PEX3: variants seen among roughly 807,000 people sequenced by gnomAD.
PEX3 encodes the protein peroxin-3.
Under a neutral mutation model 55.8 loss-of-function variants are expected in PEX3, and 30 were observed. The observed-to-expected ratio is 0.54, with a 90% CI of 0.40 to 0.73. The LOEUF (loss-of-function observed/expected upper bound fraction) is 0.73, where lower values mean the gene tolerates loss of function less well. Among genes scored for constraint, PEX3 ranks in the 30% least tolerant of loss-of-function variants. The pLI is 0.00. For missense variants in PEX3, 351 were observed against 432.8 expected, an observed-to-expected ratio of 0.81 and a Z score of 1.68; for synonymous variants, 135 against 148.4, an observed-to-expected ratio of 0.91 and a Z score of 0.66.
chr6:143,461,503 A>G (rs1294329807), intron 2 of PEX3, among the ~76,000 whole-genome samples: 2 of 152,296 alleles, frequency 1.3e-5, no homozygotes. Flanking sequence ...TGTACAATTC[A>G]TAACATGAGC....
chr6:143,481,156 A>G (rs1199608617), intron 10 of PEX3, among the ~76,000 whole-genome samples: 1 of 71,784 alleles, frequency 1.4e-5, no homozygotes, highest in Admixed American at 1.2e-4. Flanking sequence ...ATTTATATAT[A>G]TATATATATA....
Position 143,472,258 on chromosome 6 carries a change from A to G in PEX3, c.677A>G (p.Asn226Ser), listed in dbSNP as rs749551773. Reference sequence around the variant, plus strand: ...CAGCATAAGTCTTCTTCTTGGATTAATAAAGATGGATCCAAACCTTTATTA... The same window carrying G: ...CAGCATAAGTCTTCTTCTTGGATTAGTAAAGATGGATCCAAACCTTTATTA... Reference protein sequence around the residue: ...VEQHKSSSWINKDGSKPLLCH... With the variant: ...VEQHKSSSWISKDGSKPLLCH... Residue 226 changes from asparagine to serine, a missense_variant, in exon 8 of 12, where the codon AAT (asparagine) becomes AGT (serine). Asn to Ser is a conservative substitution (Grantham distance 46). Coordinates refer to ENST00000367591, the MANE Select transcript of PEX3 (RefSeq NM_003630.3). The G allele has an allele frequency of 6.2e-7, 1 of 1,608,928 alleles. No individual in the cohort carries two copies. The highest frequency in any genetic ancestry group is 1.1e-5 in the South Asian group (1 of 90,978).
intron 9 of PEX3, 68 bp downstream of exon 9, chr6:143,474,924 T>C: frequency 2.3e-6 from 2 of 864,862 alleles, no homozygotes; most frequent in Non-Finnish European, 4.0e-6. Flanking sequence ...TATTTTTTAG[T>C]TTTTCTTGAA....
intron 10 of PEX3, among the ~76,000 whole-genome samples, chr6:143,484,331 C>A (rs887339645): frequency 6.6e-6 from 1 of 151,884 alleles, no homozygotes; most frequent in Non-Finnish European, 1.5e-5. Flanking sequence ...TGTTGGGCAA[C>A]GGGGAGAATT....
chr6:143,479,777 C>A lies in PEX3; in HGVS notation c.941+579C>A, dbSNP rs575730870. Among the ~76,000 whole-genome samples the A allele has an allele frequency of 6.6e-6, 1 of 152,098 alleles. No individual in the cohort carries two copies. The highest frequency in any genetic ancestry group is 1.5e-5 in the Non-Finnish European group (1 of 67,928). On this transcript the variant is annotated intron_variant, in intron 10 of 11. Coordinates refer to ENST00000367591, the MANE Select transcript of PEX3 (RefSeq NM_003630.3). The surrounding 1 kb of genome is among the most constrained non-coding windows in gnomAD (Gnocchi z 4.6). ...CTTATGTATGCCATAAGGTATCTTA[C>A]GGTTTTTTATATCTTTGTTATCCCA...
intron 10 of PEX3, among the ~76,000 whole-genome samples, chr6:143,480,719 TAGTA>T (rs1294745191): frequency 6.6e-6 from 1 of 152,136 alleles, no homozygotes; most frequent in Non-Finnish European, 1.5e-5. Flanking sequence ...CTAGCCATCA[TAGTA>T]AGTCAAGAAA....
Position 143,462,111 on chromosome 6 carries a change from T to G in PEX3, c.206-805T>G, listed in dbSNP as rs17072650. 6.6e-6 allele frequency among the ~76,000 whole-genome samples: 1 copy of G among 152,184 alleles called. No homozygotes were observed. Among genetic ancestry groups the G allele is most frequent in the Non-Finnish European group, 1.5e-5 (1 of 68,036 alleles). On this transcript the variant is annotated intron_variant, in intron 2 of 11. Transcript: ENST00000367591. The surrounding 1 kb of genome is among the most constrained non-coding windows in gnomAD (Gnocchi z 4.1). ...ATTCTCCAGCATTTCTTATTCCACA[T>G]GTAGAGCCATAAATAAACTCCTAAA...
intron 8 of PEX3, 43 bp from the exon 9 acceptor site, chr6:143,474,743 G>A (rs751068956): frequency 1.1e-6 from 1 of 950,126 alleles, no homozygotes; most frequent in African/African-American, 1.6e-5. Flanking sequence ...ATAACCCTGT[G>A]CTAATGTTTG....
chr6:143,460,407 C>T (rs189865842), intron 2 of PEX3, among the ~76,000 whole-genome samples: 16 of 152,000 alleles, frequency 1.1e-4, no homozygotes, highest in Admixed American at 4.6e-4. Flanking sequence ...TTTGTGAGGC[C>T]GTGATGAGAT....
intron 10 of PEX3, among the ~76,000 whole-genome samples, chr6:143,484,023 C>G (rs1780279723): frequency 1.3e-5 from 2 of 152,012 alleles, no homozygotes; most frequent in African/African-American, 4.8e-5. Context: ...AGCATTGCCT[C>G]AAATCTCAGC....
chr6:143,458,857 C>T lies in PEX3; in HGVS notation c.74-228C>T, dbSNP rs1779881786. Among the ~76,000 whole-genome samples, 2 of 152,292 alleles carry T rather than the reference C, an allele frequency of 1.3e-5. No homozygotes were observed. Among genetic ancestry groups the T allele is most frequent in the South Asian group, 4.1e-4 (2 of 4,830 alleles). ...GACTTTTTAGATTTAATTCCTTTCCCTTCCTCAAACCTGGTCCTTATGTGC... is the reference window on the plus strand; with the variant it reads ...GACTTTTTAGATTTAATTCCTTTCCTTTCCTCAAACCTGGTCCTTATGTGC... On this transcript the variant is annotated intron_variant, in intron 1 of 11. Transcript: ENST00000367591. The surrounding 1 kb of genome is among the most constrained non-coding windows in gnomAD (Gnocchi z 6.1).
Position 143,479,123 on chromosome 6 carries a change from G to C in PEX3, c.866G>C (p.Ser289Thr). 4 of 1,595,302 alleles carry C rather than the reference G, an allele frequency of 2.5e-6. No homozygotes were observed. The highest frequency in any genetic ancestry group is 3.4e-6 in the Non-Finnish European group (4 of 1,163,062). ...AATACCTGTTTAAACCGAGGTTTTAGTAGACTTCTAGACAATATGGCTGAG... is the reference window on the plus strand; with the variant it reads ...AATACCTGTTTAAACCGAGGTTTTACTAGACTTCTAGACAATATGGCTGAG... ...VLNTCLNRGFSRLLDNMAEFF... is the reference protein window; with the variant it reads ...VLNTCLNRGFTRLLDNMAEFF... The change falls in exon 10 of 12, where the codon AGT (serine) becomes ACT (threonine). Residue 289 changes from serine (S) to threonine (T), a missense_variant. Transcript: ENST00000367591. This position sits in a 1 kb window ranked among gnomAD's most constrained non-coding sequence, Gnocchi z 4.6.
At position 143,474,985 on chromosome 6, in the gene PEX3, C is replaced by G. The variant is rs73780414; in HGVS notation, c.818+129C>G. The G allele has an allele frequency of 7.2e-6, 4 of 554,176 alleles. No homozygotes were observed. The African/African-American group carries it at 7.7e-5, about 11-fold the overall frequency. 34.3% of individuals were successfully genotyped at this position (554,176 alleles called of 1,614,324 possible). A position where few individuals can be genotyped will look rare whatever the true frequency, so the allele number is the denominator to read the frequency against. On this transcript the variant is annotated intron_variant, in intron 9 of 11. Coordinates refer to ENST00000367591, the MANE Select transcript of PEX3 (RefSeq NM_003630.3). ...TAAAATTAAATTTTTGACTCTGTTC[C>G]CCAGCCTTTAGATAAGATTTCCTAC...
At chr6:143,457,062 C>T (rs1293125197) in intron 1 of PEX3, among the ~76,000 whole-genome samples, 1 of 152,132 alleles carries the variant, frequency 6.6e-6, no homozygotes, top group Non-Finnish European at 1.5e-5. Flanking sequence ...ATCAAATTTA[C>T]TATTGTTAAA....
chr6:143,472,790 C>A (rs1036521531), intron 8 of PEX3, among the ~76,000 whole-genome samples: 6 of 152,066 alleles, frequency 3.9e-5, no homozygotes, highest in African/African-American at 1.4e-4. Flanking sequence ...TTTAACCAGT[C>A]CAATAACACA....
At position 143,485,278 on chromosome 6, in the gene PEX3, A is replaced by T. The variant is rs1240113835; in HGVS notation, c.1038+30A>T. On this transcript the variant is annotated intron_variant, in intron 11 of 11. Transcript: ENST00000367591. This position sits in a 1 kb window ranked among gnomAD's most constrained non-coding sequence, Gnocchi z 5.6. The stretch of plus-strand genomic sequence containing the variant: ...GAAGAAAGCTTGGGAGTGTTATTAA[A>T]AGCAAATTATATTTGTGGTGGTGGT... 4 of 1,171,244 alleles carry T rather than the reference A, an allele frequency of 3.4e-6. No homozygotes were observed. In the Admixed American group the frequency reaches 6.7e-5, roughly 20 times the overall value. The allele number at this position is 1,171,244 out of a possible 1,614,324, so 72.6% of individuals were successfully genotyped here.
intron 8 of PEX3, among the ~76,000 whole-genome samples, chr6:143,474,483 C>T (rs1353132276): frequency 1.3e-5 from 2 of 151,642 alleles, no homozygotes; most frequent in Admixed American, 6.6e-5. Context: ...AAACCCAGAC[C>T]TCTGCAAACT....
Position 143,463,393 on chromosome 6 carries a change from A to C in PEX3, c.287+396A>C, listed in dbSNP as rs969663418. 2.0e-5 allele frequency among the ~76,000 whole-genome samples: 3 copies of C among 152,230 alleles called. No homozygotes were observed. The highest frequency in any genetic ancestry group is 7.2e-5 in the African/African-American group (3 of 41,470). On this transcript the variant is annotated intron_variant, in intron 3 of 11. Transcript: ENST00000367591. The surrounding 1 kb of genome is among the most constrained non-coding windows in gnomAD (Gnocchi z 5.7). ...AATACAGCATGTGAACATACGTTTT[A>C]AATAAATAAGATATACAGGACTTAT...
rs537263587 is a variant in PEX3 at position 143,463,328 on chromosome 6, C to T, written c.287+331C>T. Among the ~76,000 whole-genome samples the T allele has an allele frequency of 7.9e-5, 12 of 152,210 alleles. No homozygotes were observed. The highest frequency in any genetic ancestry group is 2.6e-4 in the African/African-American group (11 of 41,536). On this transcript the variant is annotated intron_variant, in intron 3 of 11. Coordinates refer to ENST00000367591, the MANE Select transcript of PEX3 (RefSeq NM_003630.3). This position sits in a 1 kb window ranked among gnomAD's most constrained non-coding sequence, Gnocchi z 5.7. ...AGATGCTGTGAAGCTAACAAAGTTA[C>T]GTTAAATATTGTGCTTCTTTCTGAA... is the stretch of plus-strand genomic sequence containing the variant.
Sources: gnomAD v4.1 joint callset for allele counts (sites outside exome capture counted in the v4.1 genomes callset) on GRCh38, gnomAD v4.1.1 for gene constraint, Gnocchi (gnomAD v3.1) non-coding constraint, MANE v1.5 for transcripts, NCBI Gene and HGNC (gene_info 2026-07-23, HGNC 2026-07-21) for gene names.